The following CNN1 variants were observed in gnomAD, a reference collection of about 807,000 sequenced individuals.
The protein encoded by CNN1 is calponin-1.
In CNN1, 21 loss-of-function variants were observed where a neutral mutation model predicts 35.3. The observed-to-expected ratio is 0.60, with a 90% confidence interval of 0.42 to 0.86. CNN1 has a LOEUF of 0.86. Among genes scored for constraint, CNN1 ranks in the 40% least tolerant of loss-of-function variants. The pLI, the probability that CNN1 is intolerant of heterozygous loss-of-function variation, is 0.00. For synonymous variants in CNN1, 164 were observed against 161.8 expected (o/e 1.01, Z -0.10); for missense variants, 314 against 400.8 (o/e 0.78, Z 1.85).
At chr19:11,546,608 A>T (rs1972589892) in intron 2 of CNN1, 67 bp from the exon 3 acceptor site, 1 of 1,556,994 alleles carries the variant, frequency 6.4e-7, no homozygotes, top group Non-Finnish European at 8.8e-7. Context: ...TGCTGGGATT[A>T]CAGGCGTGAG....
chr19:11,550,106 C>A lies in CNN1; in HGVS notation c.*311C>A. ...CCTCACAAGTGGGTACCCCCAGGAC[C>A]AGAAGCTCCCCCAGCAAAGCCCCCA... On this transcript the variant is annotated 3_prime_UTR_variant, in exon 7 of 7. Coordinates refer to ENST00000252456, the MANE Select transcript of CNN1 (RefSeq NM_001299.6). The A allele has an allele frequency of 3.5e-6, 1 of 287,876 alleles. No homozygotes were observed. The highest frequency in any genetic ancestry group is 5.0e-5 in the Admixed American group (1 of 19,984). 17.8% of individuals were successfully genotyped at this position (287,876 alleles called of 1,614,324 possible).
chr19:11,550,032 G>T lies in CNN1; in HGVS notation c.*237G>T, dbSNP rs574563838. 1.0e-3 allele frequency: 519 copies of T among 517,060 alleles called. 1 individual carries two copies. Among genetic ancestry groups the T allele is most frequent in the Non-Finnish European group, 1.5e-3 (468 of 303,288 alleles). The allele number at this position is 517,060 out of a possible 1,614,324, so 32.0% of individuals were successfully genotyped here. A position where few individuals can be genotyped will look rare whatever the true frequency, so the allele number is the denominator to read the frequency against. ...AACATAGAGCCGGGTGTCCCCAACA[G>T]CGCCCAAAGGACGCACTGAGCAACG... is the stretch of plus-strand genomic sequence containing the variant. On this transcript the variant is annotated 3_prime_UTR_variant, in exon 7 of 7. Coordinates refer to ENST00000252456, the MANE Select transcript of CNN1 (RefSeq NM_001299.6).
chr19:11,540,759 C>T (rs779375307), intron 1 of CNN1: 53 of 239,986 alleles, frequency 2.2e-4, no homozygotes, highest in Non-Finnish European at 3.8e-4. Flanking sequence ...TTGGCCTGGG[C>T]GAAAAACCAG....
rs1289831731 is a variant in CNN1 at position 11,546,660 on chromosome 19, C to T, written c.186-15C>T. 1.9e-6 allele frequency: 3 copies of T among 1,613,978 alleles called. No individual in the cohort carries two copies. In the African/African-American group the frequency reaches 4.0e-5, roughly 22 times the overall value. ...TGGGGGGACACCTTTCTTACCCCTTCCCCACTCTTCTCAGATTCATCAATA... is the reference window on the plus strand; with the variant it reads ...TGGGGGGACACCTTTCTTACCCCTTTCCCACTCTTCTCAGATTCATCAATA... On this transcript the variant is annotated splice_polypyrimidine_tract_variant and intron_variant, in intron 2 of 6. Transcript: ENST00000252456.
intron 1 of CNN1, 56 bp from the exon 2 acceptor site, chr19:11,541,020 G>C: frequency 1.3e-6 from 2 of 1,522,052 alleles, no homozygotes; most frequent in Middle Eastern, 4.2e-4. Flanking sequence ...AGCCCAGGCT[G>C]CCCCCAATGC....
At chr19:11,539,580 C>T (rs941688932) in intron 1 of CNN1, 14 of 968,572 alleles carry the variant, frequency 1.4e-5, no homozygotes, top group African/African-American at 1.8e-5. Flanking sequence ...GTACAGCGCT[C>T]GGACCCTGGA....
intron 1 of CNN1, chr19:11,540,225 A>T: frequency 3.9e-6 from 1 of 253,302 alleles, no homozygotes; most frequent in Non-Finnish European, 6.3e-6. Context: ...GGAGCCTGAG[A>T]CACCCTAGGG....
intron 2 of CNN1, chr19:11,542,288 G>A (rs879750475): frequency 6.6e-6 from 1 of 151,938 alleles, no homozygotes; most frequent in Non-Finnish European, 1.5e-5. Flanking sequence ...TGCTTTCCGG[G>A]TTCAAGTGAT....
At chr19:11,541,909 T>G (rs533672287) in intron 2 of CNN1, 13 of 150,478 alleles carry the variant, frequency 8.6e-5, no homozygotes, top group East Asian at 7.8e-4. Flanking sequence ...TGTTTTTTTT[T>G]TTTTTTTTTC....
intron 5 of CNN1, among the ~76,000 whole-genome samples, 188 bp downstream of exon 5, chr19:11,548,095 C>T (rs1972632535): frequency 6.6e-6 from 1 of 152,220 alleles, no homozygotes; most frequent in African/African-American, 2.4e-5. Context: ...TTGTTATCAA[C>T]ATACCCTTTC....
rs1000742494 is a variant in CNN1, at chr19:11,538,868, C to G, written c.-60C>G. The G allele has an allele frequency of 2.2e-6, 3 of 1,395,342 alleles. No individual in the cohort carries two copies. Among genetic ancestry groups the G allele is most frequent in the South Asian group, 3.0e-5 (2 of 65,634 alleles). The allele number at this position is 1,395,342 out of a possible 1,614,324, so 86.4% of individuals were successfully genotyped here. Reference sequence around the variant, plus strand: ...AAGAGTGTGCAGACGGAACTTCAGCCGCTGCCTCTGTTCTCAGCGTCAGTG... The same window carrying G: ...AAGAGTGTGCAGACGGAACTTCAGCGGCTGCCTCTGTTCTCAGCGTCAGTG... On this transcript the variant is annotated 5_prime_UTR_variant, in exon 1 of 7. Coordinates refer to ENST00000252456, the MANE Select transcript of CNN1 (RefSeq NM_001299.6).
At position 11,541,152 on chromosome 19, in the gene CNN1, G is replaced by A. The variant is rs2145028171; in HGVS notation, c.140G>A (p.Gly47Asp). 1.9e-6 allele frequency: 3 copies of A among 1,606,544 alleles called. No homozygotes were observed. In the East Asian group the frequency reaches 6.8e-5, roughly 37 times the overall value. Residue 47 changes from glycine (G) to aspartate (D), a missense_variant, in exon 2 of 7, where the codon GGC becomes GAC. By Grantham distance (94) the Gly-to-Asp change is moderately conservative. Coordinates refer to ENST00000252456, the MANE Select transcript of CNN1 (RefSeq NM_001299.6). ...WIEGVTGRRI[G>D]NNFMDGLKDG... ...GAGGGGGTGACAGGCCGTCGCATCG[G>A]CAACAACTTCATGGACGGCCTCAAA... is the stretch of plus-strand genomic sequence containing the variant.
intron 5 of CNN1, among the ~76,000 whole-genome samples, chr19:11,548,818 C>G (rs1007829272): frequency 6.6e-6 from 1 of 151,910 alleles, no homozygotes; most frequent in African/African-American, 2.4e-5. Flanking sequence ...ACCTGGGCGA[C>G]AGAGTGAGAT....
chr19:11,539,111 A>G, intron 1 of CNN1, 121 bp downstream of exon 1: 2 of 1,080,326 alleles, frequency 1.9e-6, no homozygotes, highest in East Asian at 6.2e-5. Flanking sequence ...AGAGGGGAAA[A>G]GGGAGTGATA....
In CNN1 at chr19:11,549,308, C is replaced by T. The variant is rs1972660564; in HGVS notation, c.502-15C>T. The T allele has an allele frequency of 6.2e-7, 1 of 1,613,934 alleles. No individual in the cohort carries two copies. The highest frequency in any genetic ancestry group is 8.5e-7 in the Non-Finnish European group (1 of 1,179,852). ...GTCTGTAATTATTGGTGTGATTCTC[C>T]TTCTGGCTTCCTAGATGGGCACCAA... On this transcript the variant is annotated splice_polypyrimidine_tract_variant and intron_variant, in intron 5 of 6. Coordinates refer to ENST00000252456, the MANE Select transcript of CNN1 (RefSeq NM_001299.6). This position sits in a 1 kb window ranked among gnomAD's most constrained non-coding sequence, Gnocchi z 5.2.
chr19:11,539,821 T>C, intron 1 of CNN1: 2 of 762,160 alleles, frequency 2.6e-6, no homozygotes, highest in Non-Finnish European at 2.9e-6. Context: ...AGGGGGCTGG[T>C]GGGGGGCGGG....
chr19:11,539,620 G>A, intron 1 of CNN1: 3 of 737,890 alleles, frequency 4.1e-6, no homozygotes, highest in Non-Finnish European at 6.0e-6. Flanking sequence ...GATGGGCTCA[G>A]CTTCTCCCAG....
At chr19:11,539,874 C>G (rs368941391) in intron 1 of CNN1, 45 of 1,164,722 alleles carry the variant, frequency 3.9e-5, no homozygotes, top group South Asian at 1.1e-4. Flanking sequence ...CTCCTCCCCC[C>G]CAGCGCCGGC....
chr19:11,549,712 A>G lies in CNN1; in HGVS notation c.811A>G (p.Lys271Glu). ...YGLPRQVYDP[K>E]YCLTPEYPEL... is the part of the protein sequence containing the mutation. ...GCTGCCACGCCAGGTCTACGACCCC[A>G]AGTACTGTCTGACTCCCGAGTACCC... Residue 271 changes from lysine (K) to glutamate (E), a missense_variant, in exon 7 of 7, where the codon AAG (lysine) becomes GAG (glutamate). Coordinates refer to ENST00000252456, the MANE Select transcript of CNN1 (RefSeq NM_001299.6). The surrounding 1 kb of genome is among the most constrained non-coding windows in gnomAD (Gnocchi z 5.2). 1 of 1,614,212 alleles carries G rather than the reference A, an allele frequency of 6.2e-7. No homozygotes were observed. Among genetic ancestry groups the G allele is most frequent in the Non-Finnish European group, 8.5e-7 (1 of 1,180,016 alleles).
Sources: allele counts gnomAD v4.1 joint callset (sites outside exome capture counted in the v4.1 genomes callset), GRCh38; gene constraint gnomAD v4.1.1; non-coding constraint Gnocchi (gnomAD v3.1); transcripts MANE v1.5; gene names NCBI Gene and HGNC (gene_info 2026-07-23, HGNC 2026-07-21).